The following CFAP299 variants were observed in gnomAD, a reference collection of about 807,000 sequenced individuals.
CFAP299 encodes the protein cilia- and flagella-associated protein 299.
CFAP299 carries 21 observed loss-of-function variants against 27.0 expected under a neutral mutation model. That is an observed-to-expected ratio of 0.78 (90% CI 0.55 to 1.12). The LOEUF (loss-of-function observed/expected upper bound fraction) is 1.12. Ranked by LOEUF, CFAP299 falls within the 50% of genes most tolerant of loss-of-function variation. The pLI is 0.00. For missense variants in CFAP299, 310 were observed against 276.6 expected (o/e 1.12, Z -0.86); for synonymous variants, 104 against 98.1 (o/e 1.06, Z -0.36).
intron 4 of CFAP299, among the ~76,000 whole-genome samples, chr4:80,883,510 T>G (rs1224517076): frequency 6.6e-6 from 1 of 152,018 alleles, no homozygotes; most frequent in East Asian, 1.9e-4. Context: ...GAAAACATTA[T>G]CCAACCATAT....
chr4:80,376,498 G>C (rs1220411577), intron 2 of CFAP299, among the ~76,000 whole-genome samples: 1 of 152,126 alleles, frequency 6.6e-6, no homozygotes, highest in Non-Finnish European at 1.5e-5. Flanking sequence ...TAAATTGTTT[G>C]CAAAGTGTCT....
chr4:80,500,752 T>C (rs1019223865), intron 2 of CFAP299, among the ~76,000 whole-genome samples: 3 of 152,092 alleles, frequency 2.0e-5, no homozygotes, highest in Non-Finnish European at 4.4e-5. Flanking sequence ...CTGTTTCCGA[T>C]GCTCATAAAT....
chr4:80,339,661 C>T (rs1449946205), intron 1 of CFAP299, among the ~76,000 whole-genome samples: 1 of 152,124 alleles, frequency 6.6e-6, no homozygotes, highest in Admixed American at 6.5e-5. Context: ...TCTGCTAACC[C>T]AAAGAAATAT....
At chr4:80,845,104 A>G (rs985080519) in intron 3 of CFAP299, among the ~76,000 whole-genome samples, 2 of 151,964 alleles carry the variant, frequency 1.3e-5, no homozygotes, top group African/African-American at 4.8e-5. Context: ...GTTCTATTCC[A>G]TTGGTCTATA....
At chr4:80,908,978 C>T (rs1021315385) in intron 4 of CFAP299, among the ~76,000 whole-genome samples, 3 of 152,094 alleles carry the variant, frequency 2.0e-5, no homozygotes, top group Admixed American at 1.3e-4. Context: ...ATGAGAGACA[C>T]GTTTACTTTA....
rs536797048 is a variant in CFAP299 at position 80,755,127 on chromosome 4, T to G, written c.334-114866T>G. Among the ~76,000 whole-genome samples, 3 of 152,100 alleles carry G rather than the reference T, an allele frequency of 2.0e-5. No homozygotes were observed. In the East Asian group the frequency reaches 5.8e-4, roughly 29 times the overall value. ...TCTATTAATACTACAAAGAGGGAAG[T>G]GGTGGATATAAGGCAGTGGTGTTAT... On this transcript the variant is annotated intron_variant, in intron 3 of 5. Coordinates refer to ENST00000358105, the MANE Select transcript of CFAP299 (RefSeq NM_152770.3).
chr4:80,566,688 T>C (rs1735306206), intron 2 of CFAP299, among the ~76,000 whole-genome samples: 1 of 152,088 alleles, frequency 6.6e-6, no homozygotes, highest in Non-Finnish European at 1.5e-5. Context: ...GAGGTTTCTT[T>C]CTTTGCTTTC....
At chr4:80,452,115 T>A (rs559236390) in intron 2 of CFAP299, among the ~76,000 whole-genome samples, 3 of 152,324 alleles carry the variant, frequency 2.0e-5, no homozygotes, top group Non-Finnish European at 4.4e-5. Flanking sequence ...GTGAATGTTT[T>A]ATGGGGCCTG....
chr4:80,544,090 A>G (rs1734123301), intron 2 of CFAP299, among the ~76,000 whole-genome samples: 1 of 152,236 alleles, frequency 6.6e-6, no homozygotes, highest in African/African-American at 2.4e-5. Context: ...CAAGAATTTC[A>G]TATTCTGCCA....
Position 80,798,856 on chromosome 4 carries a change from G to A in CFAP299, c.334-71137G>A, listed in dbSNP as rs546653653. The stretch of plus-strand genomic sequence containing the variant: ...GAGCAGTGAATCAGAAATGTCAAAT[G>A]CATTTATTTTGCATAACTCTCTAAA... On this transcript the variant is annotated intron_variant, in intron 3 of 5. Coordinates refer to ENST00000358105, the MANE Select transcript of CFAP299 (RefSeq NM_152770.3). Among the ~76,000 whole-genome samples the A allele has an allele frequency of 1.1e-4, 17 of 151,740 alleles. No individual in the cohort carries two copies. In the South Asian group the frequency reaches 2.3e-3, roughly 20 times the overall value.
intron 2 of CFAP299, among the ~76,000 whole-genome samples, chr4:80,492,322 G>A (rs34479843): frequency 1.3e-5 from 2 of 152,146 alleles, no homozygotes; most frequent in African/African-American, 4.8e-5. Flanking sequence ...ATTTGGCTCA[G>A]AATAAATCTC....
chr4:80,672,581 A>T (rs893868435), intron 3 of CFAP299, among the ~76,000 whole-genome samples: 2 of 152,306 alleles, frequency 1.3e-5, no homozygotes, highest in Admixed American at 1.3e-4. Flanking sequence ...AAGGAATGGT[A>T]CCAGCTCCTA....
At chr4:80,948,745 C>T (rs1031956972) in intron 5 of CFAP299, among the ~76,000 whole-genome samples, 1 of 151,854 alleles carries the variant, frequency 6.6e-6, no homozygotes, top group African/African-American at 2.4e-5. Context: ...GAGGCCATCA[C>T]CTGGAAAAAT....
At chr4:80,754,555 CTT>C (rs5859735) in intron 3 of CFAP299, among the ~76,000 whole-genome samples, 28,563 of 147,410 alleles carry the variant, frequency 0.19, 4,759 homozygotes, top group African/African-American at 0.45. Context: ...ATGGATCTGG[CTT>C]TTTTTTTTTA....
At chr4:80,774,050 G>T (rs1459669495) in intron 3 of CFAP299, among the ~76,000 whole-genome samples, 3 of 151,786 alleles carry the variant, frequency 2.0e-5, no homozygotes, top group Non-Finnish European at 4.4e-5. Context: ...TTTATGTTCG[G>T]CTGATCACAT....
chr4:80,557,662 G>C (rs748637071), intron 2 of CFAP299, among the ~76,000 whole-genome samples: 69 of 151,986 alleles, frequency 4.5e-4, no homozygotes, highest in Admixed American at 1.5e-3. Context: ...CATGCCAAAA[G>C]TATCAAAGTA....
At chr4:80,425,095 C>T (rs1560561576) in intron 2 of CFAP299, among the ~76,000 whole-genome samples, 1 of 152,008 alleles carries the variant, frequency 6.6e-6, no homozygotes, top group Non-Finnish European at 1.5e-5. Flanking sequence ...TTGAAGGTGT[C>T]CCCCAAAAAG....
At chr4:80,841,369 A>G (rs75085585) in intron 3 of CFAP299, among the ~76,000 whole-genome samples, 374 of 152,192 alleles carry the variant, frequency 2.5e-3, no homozygotes, top group African/African-American at 8.5e-3. Context: ...TAATTTCAAA[A>G]TGACCATACA....
At chr4:80,911,819 C>T (rs190569957) in intron 4 of CFAP299, among the ~76,000 whole-genome samples, 1 of 152,194 alleles carries the variant, frequency 6.6e-6, no homozygotes, top group Admixed American at 6.5e-5. Flanking sequence ...ACTTGTTTTA[C>T]ATTCAAGAAA....
Sources: allele counts gnomAD v4.1 joint callset (sites outside exome capture counted in the v4.1 genomes callset), GRCh38; gene constraint gnomAD v4.1.1; transcripts MANE v1.5; gene names NCBI Gene and HGNC (gene_info 2026-07-23, HGNC 2026-07-21).